The following CARMIL1 variants were observed in gnomAD, a reference collection of about 807,000 sequenced individuals.
CARMIL1 encodes F-actin-uncapping protein LRRC16A.
In CARMIL1, 90 loss-of-function variants were observed where a neutral mutation model predicts 177.1. The observed-to-expected ratio is 0.51, with a 90% CI of 0.43 to 0.61. The LOEUF (loss-of-function observed/expected upper bound fraction) is 0.61, where lower values mean the gene tolerates loss of function less well. CARMIL1 is among the 20% of genes least tolerant of loss of function. The pLI is 0.00. For missense variants in CARMIL1, 1,380 were observed against 1,667.0 expected, an observed-to-expected ratio of 0.83 and a Z score of 3.00; for synonymous variants, 577 against 606.2, an observed-to-expected ratio of 0.95 and a Z score of 0.71.
intron 2 of CARMIL1, among the ~76,000 whole-genome samples, chr6:25,368,537 C>G (rs1790072495): frequency 1.3e-5 from 2 of 152,270 alleles, no homozygotes; most frequent in Middle Eastern, 6.8e-3. Flanking sequence ...CAAAGACATA[C>G]ATTCAATTTA....
At chr6:25,418,172 C>T (rs906922494) in intron 2 of CARMIL1, among the ~76,000 whole-genome samples, 7 of 152,000 alleles carry the variant, frequency 4.6e-5, no homozygotes, top group Non-Finnish European at 8.8e-5. Context: ...GTAGGTTGAC[C>T]AACAGTCCCA....
chr6:25,492,883 T>C (rs1215692122), intron 15 of CARMIL1, among the ~76,000 whole-genome samples: 1 of 152,196 alleles, frequency 6.6e-6, no homozygotes, highest in Non-Finnish European at 1.5e-5. Flanking sequence ...ATTACTTCAA[T>C]AGTGATTAAA....
intron 29 of CARMIL1, among the ~76,000 whole-genome samples, chr6:25,571,960 A>G (rs1812104888): frequency 6.6e-6 from 1 of 152,204 alleles, no homozygotes; most frequent in African/African-American, 2.4e-5. Context: ...CTCTATTAAG[A>G]TCCCGAAAGG....
At chr6:25,338,740 A>G (rs1257477345) in intron 2 of CARMIL1, among the ~76,000 whole-genome samples, 1 of 152,158 alleles carries the variant, frequency 6.6e-6, no homozygotes, top group Non-Finnish European at 1.5e-5. Flanking sequence ...TGGGCCATTG[A>G]TTCGGTTATA....
intron 20 of CARMIL1, among the ~76,000 whole-genome samples, chr6:25,513,692 C>T (rs898679827): frequency 6.6e-6 from 1 of 152,142 alleles, no homozygotes; most frequent in African/African-American, 2.4e-5. Flanking sequence ...TGAGTAGACA[C>T]AGACAAACCC....
Position 25,495,102 on chromosome 6 carries a change from T to C in CARMIL1, c.1221-9T>C. On this transcript the variant is annotated splice_polypyrimidine_tract_variant and intron_variant, in intron 15 of 36. Coordinates refer to ENST00000329474, the MANE Select transcript of CARMIL1 (RefSeq NM_017640.6). The stretch of plus-strand genomic sequence containing the variant: ...GTAACCGCTTGTGTAACTCTTGTGT[T>C]TTTTTCAGGAAAGGAAAAGAAGTAC... 1.9e-6 allele frequency: 3 copies of C among 1,584,408 alleles called. No individual in the cohort carries two copies. The highest frequency in any genetic ancestry group is 2.2e-5 in the South Asian group (2 of 90,110).
At chr6:25,617,158 T>A (rs1759339273) in intron 36 of CARMIL1, among the ~76,000 whole-genome samples, 1 of 152,204 alleles carries the variant, frequency 6.6e-6, no homozygotes, top group Non-Finnish European at 1.5e-5. Flanking sequence ...AAGCCTGGTG[T>A]CAGTGACTCA....
intron 8 of CARMIL1, among the ~76,000 whole-genome samples, chr6:25,455,005 C>G (rs548133842): frequency 2.6e-5 from 4 of 152,226 alleles, no homozygotes; most frequent in East Asian, 3.9e-4. Context: ...ATGTGTTGAG[C>G]TGGAGTTTGT....
At chr6:25,436,118 C>T (rs1011014027) in intron 5 of CARMIL1, among the ~76,000 whole-genome samples, 2 of 152,040 alleles carry the variant, frequency 1.3e-5, no homozygotes, top group African/African-American at 2.4e-5. Flanking sequence ...TAGTAAATTT[C>T]GTTCATCCAT....
chr6:25,490,698 AAAATAAAT>A (rs199709831), intron 13 of CARMIL1, among the ~76,000 whole-genome samples: 13,283 of 124,896 alleles, frequency 0.11, 807 homozygotes, highest in South Asian at 0.18. Context: ...ACCCTGTCTT[AAAATAAAT>A]AAATAAATAA....
At chr6:25,431,118 A>T (rs1408987638) in intron 4 of CARMIL1, among the ~76,000 whole-genome samples, 1 of 151,970 alleles carries the variant, frequency 6.6e-6, no homozygotes, top group Non-Finnish European at 1.5e-5. Context: ...GCACCCACTA[A>T]CTCGTCATTT....
chr6:25,419,594 A>G (rs184334360), intron 2 of CARMIL1, among the ~76,000 whole-genome samples: 1 of 152,340 alleles, frequency 6.6e-6, no homozygotes, highest in East Asian at 1.9e-4. Flanking sequence ...ACAGCTGAGA[A>G]GCAAAGTTAG....
chr6:25,610,271 A>G (rs1347990031), intron 36 of CARMIL1, 90 bp downstream of exon 36: 2 of 1,404,458 alleles, frequency 1.4e-6, no homozygotes, highest in Non-Finnish European at 1.9e-6. Flanking sequence ...GACTTTACTA[A>G]TATCTTAGAG....
chr6:25,550,854 C>T (rs1477431600), intron 26 of CARMIL1, 56 bp from the exon 27 acceptor site: 23 of 1,464,822 alleles, frequency 1.6e-5, no homozygotes, highest in Middle Eastern at 1.8e-4. Flanking sequence ...AGTTTTATGG[C>T]GGGCACCTCG....
rs1802906153 is a variant in CARMIL1, at chr6:25,488,638, T to C, written c.1065+53T>C. On this transcript the variant is annotated intron_variant, in intron 13 of 36. Coordinates refer to ENST00000329474, the MANE Select transcript of CARMIL1 (RefSeq NM_017640.6). ...TCGAAGAAGCTGTGTTTAATAAGCC[T>C]GGAATAATTCTAAACATGTCTTTGT... 8 of 1,381,952 alleles carry C rather than the reference T, an allele frequency of 5.8e-6. 1 individual carries two copies. In the South Asian group the frequency reaches 9.3e-5, roughly 16 times the overall value. The allele number at this position is 1,381,952 out of a possible 1,614,324, so 85.6% of individuals were successfully genotyped here. A position where few individuals can be genotyped will look rare whatever the true frequency, so the allele number is the denominator to read the frequency against.
chr6:25,370,987 G>T (rs1353253346), intron 2 of CARMIL1, among the ~76,000 whole-genome samples: 1 of 151,914 alleles, frequency 6.6e-6, no homozygotes, highest in Non-Finnish European at 1.5e-5. Context: ...CCATAGTTTA[G>T]CTCCCACTTA....
chr6:25,289,877 G>C (rs1781803033), intron 2 of CARMIL1, among the ~76,000 whole-genome samples: 1 of 152,182 alleles, frequency 6.6e-6, no homozygotes, highest in Admixed American at 6.5e-5. Context: ...AATAAAACTG[G>C]TGTAAACATT....
intron 29 of CARMIL1, among the ~76,000 whole-genome samples, chr6:25,567,382 C>T (rs991871077): frequency 3.3e-5 from 5 of 152,208 alleles, no homozygotes; most frequent in African/African-American, 1.2e-4. Flanking sequence ...TCCATACCTC[C>T]TCCAATTATG....
intron 11 of CARMIL1, among the ~76,000 whole-genome samples, chr6:25,477,130 A>C (rs1801653376): frequency 6.6e-6 from 1 of 151,916 alleles, no homozygotes; most frequent in Non-Finnish European, 1.5e-5. Context: ...CAAAAAAAAA[A>C]CAAGGGAGAT....
Sources: allele counts gnomAD v4.1 joint callset (sites outside exome capture counted in the v4.1 genomes callset), GRCh38; gene constraint gnomAD v4.1.1; transcripts MANE v1.5; gene names NCBI Gene and HGNC (gene_info 2026-07-23, HGNC 2026-07-21).